Variants in COPS4 observed in about 807,000 individuals in gnomAD.
COPS4 encodes the protein COP9 signalosome complex subunit 4.
In COPS4, 8 loss-of-function variants were observed where a neutral mutation model predicts 55.1. The ratio of observed to expected loss-of-function variants is 0.15; its 90% confidence interval spans 0.09 to 0.26. The LOEUF (loss-of-function observed/expected upper bound fraction) is 0.26. Ranked by LOEUF, COPS4 falls within the 10% of genes least tolerant of loss-of-function variation. The probability of loss-of-function intolerance (pLI) is 1.00; values close to 1 mark genes in which losing one functional copy is unlikely to be tolerated. For missense variants in COPS4, 248 were observed against 484.0 expected (o/e 0.51, Z 4.58); for synonymous variants, 185 against 165.7 (o/e 1.12, Z -0.90).
chr4:83,045,464 C>G (rs752926201), intron 1 of COPS4, 162 bp from the exon 2 acceptor site: 3 of 471,510 alleles, frequency 6.4e-6, no homozygotes, highest in African/African-American at 2.0e-5. Context: ...TTGTGATAGA[C>G]TAGAAACTTA....
At chr4:83,064,506 C>G (rs1045406563) in intron 7 of COPS4, among the ~76,000 whole-genome samples, 1 of 152,160 alleles carries the variant, frequency 6.6e-6, no homozygotes. Flanking sequence ...AACAATAACT[C>G]CTTATTCTTG....
chr4:83,046,114 G>C (rs6831179), intron 2 of COPS4, among the ~76,000 whole-genome samples: 1 of 152,020 alleles, frequency 6.6e-6, no homozygotes, highest in Non-Finnish European at 1.5e-5. Context: ...TGTACTACAG[G>C]GTAGTACAGT....
At chr4:83,043,994 G>T (rs535377813) in intron 1 of COPS4, among the ~76,000 whole-genome samples, 1 of 152,302 alleles carries the variant, frequency 6.6e-6, no homozygotes, top group South Asian at 2.1e-4. Flanking sequence ...GTAATGCTGA[G>T]TGGTAGCTTG....
chr4:83,051,895 T>C (rs1480407376), intron 4 of COPS4, among the ~76,000 whole-genome samples: 2 of 152,170 alleles, frequency 1.3e-5, no homozygotes, highest in Admixed American at 6.5e-5. Context: ...TGAGAAGGAT[T>C]ATCCATTGAG....
intron 6 of COPS4, among the ~76,000 whole-genome samples, chr4:83,060,940 A>G (rs1301337855): frequency 1.3e-5 from 2 of 151,680 alleles, no homozygotes; most frequent in Admixed American, 6.6e-5. Flanking sequence ...AGGCTGAGGC[A>G]GGAGAATCAT....
chr4:83,046,372 T>G (rs199737208), intron 2 of COPS4, among the ~76,000 whole-genome samples: 42 of 138,566 alleles, frequency 3.0e-4, no homozygotes, highest in African/African-American at 5.1e-4. Flanking sequence ...AAAAGCAGTT[T>G]GGAGATTATT....
At chr4:83,038,422 A>G (rs1310938999) in intron 1 of COPS4, among the ~76,000 whole-genome samples, 1 of 152,194 alleles carries the variant, frequency 6.6e-6, no homozygotes, top group Non-Finnish European at 1.5e-5. Context: ...CTGCTTGCCT[A>G]TGAGCCCTTA....
At chr4:83,036,599 G>C (rs1455429378) in intron 1 of COPS4, among the ~76,000 whole-genome samples, 1 of 152,178 alleles carries the variant, frequency 6.6e-6, no homozygotes, top group Admixed American at 6.5e-5. Context: ...GTATGTGTGT[G>C]CATATATACT....
intron 6 of COPS4, among the ~76,000 whole-genome samples, chr4:83,059,353 T>C (rs1393056315): frequency 6.6e-6 from 1 of 152,102 alleles, no homozygotes; most frequent in Non-Finnish European, 1.5e-5. Context: ...TAGTTGTAAA[T>C]CCCCCCATGT....
intron 1 of COPS4, chr4:83,035,751 C>T (rs917188235): frequency 6.0e-6 from 1 of 165,990 alleles, no homozygotes; most frequent in Admixed American, 5.8e-5. Context: ...GAGATGGCTT[C>T]TTGGGGCTGG....
chr4:83,067,064 AT>A (rs545272975), intron 8 of COPS4, among the ~76,000 whole-genome samples: 1 of 151,470 alleles, frequency 6.6e-6, no homozygotes, highest in Non-Finnish European at 1.5e-5. Flanking sequence ...CTGTTTATTT[AT>A]TTTATTTTTT....
chr4:83,036,340 C>T (rs910006065), intron 1 of COPS4, among the ~76,000 whole-genome samples: 4 of 151,658 alleles, frequency 2.6e-5, no homozygotes, highest in Admixed American at 2.0e-4. Context: ...ATGTTTACAT[C>T]CTGACAGCTG....
intron 1 of COPS4, 94 bp downstream of exon 1, chr4:83,035,392 G>C: frequency 1.8e-6 from 2 of 1,082,108 alleles, no homozygotes; most frequent in African/African-American, 1.6e-5. Flanking sequence ...TGGGCGTGAA[G>C]CTAGGAGCCG....
chr4:83,035,666 C>T (rs1730399603), intron 1 of COPS4: 1 of 190,218 alleles, frequency 5.3e-6, no homozygotes, highest in South Asian at 8.2e-5. Context: ...TCTGGCCTCT[C>T]TTTGGACCTT....
chr4:83,042,483 C>G (rs1375654343), intron 1 of COPS4, among the ~76,000 whole-genome samples: 2 of 151,048 alleles, frequency 1.3e-5, no homozygotes, highest in South Asian at 2.1e-4. Context: ...GTAATGTAGC[C>G]ACAGTGCTGT....
intron 1 of COPS4, among the ~76,000 whole-genome samples, chr4:83,040,659 A>G (rs1334702978): frequency 6.6e-6 from 1 of 152,122 alleles, no homozygotes; most frequent in Non-Finnish European, 1.5e-5. Context: ...ATGCCTTTAG[A>G]CAGAATATAT....
intron 1 of COPS4, chr4:83,035,524 C>A: frequency 2.7e-6 from 1 of 375,030 alleles, no homozygotes; most frequent in Non-Finnish European, 5.2e-6. Context: ...TGATTGTCAG[C>A]TTGTTCAGTT....
chr4:83,036,681 A>G (rs1341276709), intron 1 of COPS4, among the ~76,000 whole-genome samples: 1 of 152,216 alleles, frequency 6.6e-6, no homozygotes, highest in Non-Finnish European at 1.5e-5. Flanking sequence ...TGTTACTATT[A>G]AGCTGTCAGT....
chr4:83,066,583 A>G, intron 8 of COPS4, 30 bp downstream of exon 8: 5 of 1,073,308 alleles, frequency 4.7e-6, no homozygotes, highest in Non-Finnish European at 6.9e-6. Flanking sequence ...ACATTTAAAA[A>G]AAAGTTAAGA....
Sources: allele counts gnomAD v4.1 joint callset (sites outside exome capture counted in the v4.1 genomes callset), GRCh38; gene constraint gnomAD v4.1.1; transcripts MANE v1.5; gene names NCBI Gene and HGNC (gene_info 2026-07-23, HGNC 2026-07-21).